Variants in ACTR8 observed in about 807,000 individuals in gnomAD.
The protein encoded by ACTR8 is actin-related protein 8.
A neutral mutation model predicts 84.3 loss-of-function variants in ACTR8; 70 were observed. The observed-to-expected ratio is 0.83, with a 90% CI of 0.68 to 1.01. ACTR8 has a LOEUF of 1.01. Among genes scored for constraint, ACTR8 ranks in the 50% least tolerant of loss-of-function variants. The pLI is 0.00. For synonymous variants in ACTR8, 268 were observed against 275.2 expected (o/e 0.97, Z 0.26); for missense variants, 672 against 775.4 (o/e 0.87, Z 1.58).
intron 1 of ACTR8, chr3:53,881,777 C>T: frequency 1.2e-6 from 1 of 809,128 alleles, no homozygotes; most frequent in Non-Finnish European, 1.9e-6. Context: ...GGGGCTCCGC[C>T]TGGCTCCTGG....
At chr3:53,881,862 C>A (rs201810488) in intron 1 of ACTR8, 117 bp downstream of exon 1, 1 of 1,466,168 alleles carries the variant, frequency 6.8e-7, no homozygotes, top group South Asian at 1.2e-5. Context: ...CGCACTCCCC[C>A]CACCAGGGGC....
chr3:53,878,357 C>T lies in ACTR8; in HGVS notation c.405G>A (p.Gln135=). Residue 135 remains glutamine, a splice_region_variant and synonymous_variant, in exon 3 of 13, where the codon CAG becomes CAA. Coordinates refer to ENST00000335754, the MANE Select transcript of ACTR8 (RefSeq NM_022899.5). The part of the protein sequence containing the change: ...GTRRIPVSPE[Q]ARSYNKQMRP... The stretch of plus-strand genomic sequence containing the variant: ...AATAAATCTGAAGAGTTAATCGAAC[C>T]TGTTCAGGGGACACAGGAATGCGTC... The T allele has an allele frequency of 6.3e-7, 1 of 1,597,918 alleles. No individual in the cohort carries two copies. Among genetic ancestry groups the T allele is most frequent in the Non-Finnish European group, 8.6e-7 (1 of 1,166,272 alleles).
rs1417267305 is a variant in ACTR8 at position 53,874,280 on chromosome 3, G to A, written c.996C>T (p.Cys332=). The change falls in exon 8 of 13, where the codon TGC becomes TGT. Residue 332 remains cysteine, a synonymous_variant. Coordinates refer to ENST00000335754, the MANE Select transcript of ACTR8 (RefSeq NM_022899.5). The part of the protein sequence containing the change: ...MQRAGFPYRE[C]QLTNKMDCLL... ...GACAATCCATTTTATTTGTTAACTG[G>A]CATTCTCTGTAAGGGAACCCAGCTC... The A allele has an allele frequency of 1.2e-6, 2 of 1,614,044 alleles. No individual in the cohort carries two copies. Among genetic ancestry groups the A allele is most frequent in the Admixed American group, 3.3e-5 (2 of 60,010 alleles).
At chr3:53,877,452 T>C (rs906263406) in intron 4 of ACTR8, 65 bp from the exon 5 acceptor site, 2 of 1,479,914 alleles carry the variant, frequency 1.4e-6, no homozygotes, top group Non-Finnish European at 1.8e-6. Flanking sequence ...TCTGGATTCA[T>C]ATCCAAAAAT....
At chr3:53,881,859 C>A (rs1178260238) in intron 1 of ACTR8, 120 bp downstream of exon 1, 1 of 396,636 alleles carries the variant, frequency 2.5e-6, no homozygotes, top group Non-Finnish European at 3.0e-6. Flanking sequence ...TTCCGCACTC[C>A]CCCCACCAGG....
rs773467469 is a variant in ACTR8, at chr3:53,868,878, A to C, written c.1732-16T>G. ...GGTCCATGTCCTACAGAAGGGATGA[A>C]GGCATTTCAGCCTAATCACATAAGA... On this transcript the variant is annotated splice_polypyrimidine_tract_variant and intron_variant, in intron 12 of 12. Transcript: ENST00000335754. The C allele has an allele frequency of 6.2e-7, 1 of 1,612,060 alleles. No homozygotes were observed. Among genetic ancestry groups the C allele is most frequent in the East Asian group, 2.2e-5 (1 of 44,870 alleles).
chr3:53,872,471 C>T lies in ACTR8; in HGVS notation c.1215G>A (p.Met405Ile), dbSNP rs1339408994. The change falls in exon 10 of 13, where the codon ATG becomes ATA. Residue 405 changes from methionine to isoleucine, a missense_variant. By Grantham distance (10) the Met-to-Ile change is conservative (BLOSUM62 1). Transcript: ENST00000335754. Reference protein sequence around the residue: ...PATFGIVGQKMTTLQHRSQGD... With the variant: ...PATFGIVGQKITTLQHRSQGD... ...CCTGAGATCTGTGCTGCAAAGTCGTCATTTTCTGTCCAACGATTCCAAAAG... is the reference window on the plus strand; with the variant it reads ...CCTGAGATCTGTGCTGCAAAGTCGTTATTTTCTGTCCAACGATTCCAAAAG... 1 of 1,610,560 alleles carries T rather than the reference C, an allele frequency of 6.2e-7. No individual in the cohort carries two copies. The highest frequency in any genetic ancestry group is 1.7e-5 in the Admixed American group (1 of 59,276).
intron 7 of ACTR8, 78 bp downstream of exon 7, chr3:53,875,870 T>C: frequency 6.4e-7 from 1 of 1,562,044 alleles, no homozygotes; most frequent in Non-Finnish European, 8.7e-7. Context: ...ATTTTTAACC[T>C]GTGATTTCTT....
At position 53,868,795 on chromosome 3, in the gene ACTR8, TC is replaced by T. The variant is rs761219731; in HGVS notation, c.1798del (p.Glu600AsnfsTer55). 12 of 1,614,080 alleles carry T rather than the reference TC, an allele frequency of 7.4e-6. No homozygotes were observed. Among genetic ancestry groups the T allele is most frequent in the Admixed American group, 1.7e-5 (1 of 59,996 alleles). On this transcript the variant is annotated frameshift_variant, in exon 13 of 13. Coordinates refer to ENST00000335754, the MANE Select transcript of ACTR8 (RefSeq NM_022899.5). LOFTEE classifies it high-confidence loss of function. ...CCACTCTCGCTGATAAATCCACAGT[TC>T]CTGTGTTGTATCCAAACAAGCCAAC... is the stretch of plus-strand genomic sequence containing the variant. ...AVLACLDTTQ[E>X]LWIYQREWQR... is the part of the protein sequence containing the mutation.
chr3:53,878,425 C>T lies in ACTR8; in HGVS notation c.337G>A (p.Val113Met). Residue 113 changes from valine (V) to methionine (M), a missense_variant, in exon 3 of 13, where the codon GTG becomes ATG. Physicochemically the swap from Val to Met is conservative, Grantham distance 21. Coordinates refer to ENST00000335754, the MANE Select transcript of ACTR8 (RefSeq NM_022899.5). Reference sequence around the variant, plus strand: ...TTTTTAGACCATATTGCTTGATCCACCATTTTAAGGCCATTTTGTCTTTGT... The same window carrying T: ...TTTTTAGACCATATTGCTTGATCCATCATTTTAAGGCCATTTTGTCTTTGT... Reference protein sequence around the residue: ...NEQRQNGLKMVDQAIWSKKMS... With the variant: ...NEQRQNGLKMMDQAIWSKKMS... 1 of 1,613,310 alleles carries T rather than the reference C, an allele frequency of 6.2e-7. No homozygotes were observed. The highest frequency in any genetic ancestry group is 8.5e-7 in the Non-Finnish European group (1 of 1,179,776).
At chr3:53,876,817 G>GT in intron 5 of ACTR8, 104 bp from the exon 6 acceptor site, 1 of 589,326 alleles carries the variant, frequency 1.7e-6, no homozygotes, top group Non-Finnish European at 3.0e-6. Flanking sequence ...AGCAGCTACG[G>GT]TTACACACCC....
intron 9 of ACTR8, 113 bp downstream of exon 9, chr3:53,872,919 C>T: frequency 1.2e-6 from 1 of 852,418 alleles, no homozygotes; most frequent in South Asian, 1.7e-5. Context: ...GGATAATCTA[C>T]AATCAGTTGA....
At position 53,870,216 on chromosome 3, in the gene ACTR8, C is replaced by T; in HGVS notation, c.1568-71G>A. 1.9e-6 allele frequency: 3 copies of T among 1,557,152 alleles called. No homozygotes were observed. The highest frequency in any genetic ancestry group is 2.6e-6 in the Non-Finnish European group (3 of 1,144,306). ...TAATTCTAGGCCAAGCCACCAACAC[C>T]TCTTGCTTGAGCAAGTGCAATAGCC... On this transcript the variant is annotated intron_variant, in intron 11 of 12. Coordinates refer to ENST00000335754, the MANE Select transcript of ACTR8 (RefSeq NM_022899.5). This position sits in a 1 kb window ranked among gnomAD's most constrained non-coding sequence, Gnocchi z 4.1.
At chr3:53,873,010 G>A in intron 9 of ACTR8, 22 bp downstream of exon 9, 1 of 1,564,036 alleles carries the variant, frequency 6.4e-7, no homozygotes, top group Non-Finnish European at 8.8e-7. Flanking sequence ...TCTACCCATG[G>A]AAACAGATAC....
the ACTR8 span, chr3:53,860,304 T>C: frequency 8.3e-7 from 1 of 1,209,534 alleles, no homozygotes; most frequent in Non-Finnish European, 1.2e-6. Flanking sequence ...AAGATTCCTC[T>C]GGAGGCAATC....
At chr3:53,871,699 G>GTAGC (rs755585680) in intron 10 of ACTR8, among the ~76,000 whole-genome samples, 8 of 152,204 alleles carry the variant, frequency 5.3e-5, no homozygotes, top group African/African-American at 1.9e-4. Context: ...CCAAAGCAAG[G>GTAGC]TAGCTGCTGG....
chr3:53,872,162 C>T (rs554831346), intron 10 of ACTR8, among the ~76,000 whole-genome samples: 26 of 152,180 alleles, frequency 1.7e-4, no homozygotes, highest in African/African-American at 6.0e-4. Context: ...GTGTCATTAA[C>T]TTTTAAATGT....
In ACTR8 at chr3:53,877,669, G is replaced by A; in HGVS notation, c.488C>T (p.Pro163Leu). The change falls in exon 4 of 13, where the codon CCT becomes CTT. Residue 163 changes from proline to leucine, a missense_variant. By Grantham distance (98) the Pro-to-Leu change is moderately conservative (BLOSUM62 -3). Transcript: ENST00000335754. The stretch of plus-strand genomic sequence containing the variant: ...TACCTCTTCTCCTACTAAATACTCA[G>A]GGTGATGAGATGTGTTTGTCCACTT... Reference protein sequence around the residue: ...GNKWTNTSHHPEYLVGEEALY... With the variant: ...GNKWTNTSHHLEYLVGEEALY... The A allele has an allele frequency of 6.2e-7, 1 of 1,613,924 alleles. No individual in the cohort carries two copies. Among genetic ancestry groups the A allele is most frequent in the Non-Finnish European group, 8.5e-7 (1 of 1,179,840 alleles).
At chr3:53,881,157 A>C (rs981520502) in intron 1 of ACTR8, among the ~76,000 whole-genome samples, 1 of 152,226 alleles carries the variant, frequency 6.6e-6, no homozygotes, top group Non-Finnish European at 1.5e-5. Context: ...CATACTAGTG[A>C]TAACTAACTA....
Sources: gnomAD v4.1 joint callset for allele counts (sites outside exome capture counted in the v4.1 genomes callset) on GRCh38, gnomAD v4.1.1 for gene constraint, Gnocchi (gnomAD v3.1) non-coding constraint, MANE v1.5 for transcripts, NCBI Gene and HGNC (gene_info 2026-07-23, HGNC 2026-07-21) for gene names.